Variants in TMOD2 observed in about 807,000 individuals in gnomAD.
TMOD2 encodes tropomodulin 2, also known as tropomodulin-2.
In TMOD2, 22 loss-of-function variants were observed where a neutral mutation model predicts 39.9. The observed-to-expected ratio is 0.55, with a 90% confidence interval of 0.39 to 0.79. The LOEUF (loss-of-function observed/expected upper bound fraction) is 0.79. Ranked by LOEUF, TMOD2 falls within the 30% of genes least tolerant of loss-of-function variation. The pLI, the probability that TMOD2 is intolerant of heterozygous loss-of-function variation, is 0.00. For missense variants in TMOD2, 386 were observed against 413.3 expected, an observed-to-expected ratio of 0.93 and a Z score of 0.57; for synonymous variants, 123 against 146.1, an observed-to-expected ratio of 0.84 and a Z score of 1.14.
At chr15:51,781,632 A>G (rs1183343267) in intron 6 of TMOD2, among the ~76,000 whole-genome samples, 1 of 152,214 alleles carries the variant, frequency 6.6e-6, no homozygotes, top group Admixed American at 6.5e-5. Flanking sequence ...TGTTGGCAGG[A>G]GGCCTCCATT....
intron 7 of TMOD2, among the ~76,000 whole-genome samples, chr15:51,787,529 T>A (rs1050271993): frequency 6.6e-6 from 1 of 152,254 alleles, no homozygotes; most frequent in Non-Finnish European, 1.5e-5. Flanking sequence ...CGAGCTCCGA[T>A]AACGGACAGA....
chr15:51,797,625 T>G (rs2056060046), intron 7 of TMOD2, among the ~76,000 whole-genome samples: 1 of 152,170 alleles, frequency 6.6e-6, no homozygotes, highest in Admixed American at 6.5e-5. Flanking sequence ...AGCCGGCAGG[T>G]GCCCGTGTGC....
chr15:51,779,194 A>G (rs1255071330), intron 5 of TMOD2, among the ~76,000 whole-genome samples: 1 of 152,238 alleles, frequency 6.6e-6, no homozygotes. Flanking sequence ...TGTTATGCAT[A>G]TGGATAAAAA....
At chr15:51,789,875 T>A (rs550053816) in intron 7 of TMOD2, among the ~76,000 whole-genome samples, 2 of 152,280 alleles carry the variant, frequency 1.3e-5, no homozygotes, top group African/African-American at 4.8e-5. Flanking sequence ...TAGAGGGAAA[T>A]TTATAGCACT....
At chr15:51,779,937 C>T (rs1233382061) in intron 5 of TMOD2, among the ~76,000 whole-genome samples, 2 of 152,194 alleles carry the variant, frequency 1.3e-5, no homozygotes, top group Non-Finnish European at 2.9e-5. Flanking sequence ...TTGCTTCAGT[C>T]CCCCAAAGTG....
chr15:51,776,330 A>G (rs980358035), intron 4 of TMOD2, among the ~76,000 whole-genome samples: 6 of 152,158 alleles, frequency 3.9e-5, no homozygotes, highest in South Asian at 2.1e-4. Flanking sequence ...CCCCGCATTC[A>G]TTCTTCCCCA....
At chr15:51,771,415 T>C (rs540886600) in intron 3 of TMOD2, among the ~76,000 whole-genome samples, 2 of 152,364 alleles carry the variant, frequency 1.3e-5, no homozygotes, top group South Asian at 4.1e-4. Context: ...TTAGAACTTG[T>C]TATTTGGTTG....
In TMOD2 at chr15:51,776,910, C is replaced by T; in HGVS notation, c.407-22C>T. The T allele has an allele frequency of 2.5e-6, 4 of 1,603,036 alleles. No homozygotes were observed. In the South Asian group the frequency reaches 3.3e-5, roughly 13 times the overall value. ...CTAATGTGCTTCTCCAAACTTAATG[C>T]TCATTTGTTGACTGTTTTTAGCTGT... On this transcript the variant is annotated intron_variant, in intron 4 of 9. Transcript: ENST00000249700.
At chr15:51,780,957 A>G in intron 5 of TMOD2, 87 bp from the exon 6 acceptor site, 1 of 1,090,518 alleles carries the variant, frequency 9.2e-7, no homozygotes, top group South Asian at 1.6e-5. Context: ...GAATCAGCAT[A>G]TGAAAGAAAT....
chr15:51,764,661 C>CT (rs2055804591), intron 1 of TMOD2, among the ~76,000 whole-genome samples: 2 of 152,170 alleles, frequency 1.3e-5, no homozygotes, highest in South Asian at 4.1e-4. Flanking sequence ...CCACCCTCGT[C>CT]TTTAGTTCTT....
intron 7 of TMOD2, among the ~76,000 whole-genome samples, chr15:51,787,470 C>T (rs925570577): frequency 3.3e-5 from 5 of 152,240 alleles, no homozygotes; most frequent in Admixed American, 2.6e-4. Context: ...ACTTAAATGT[C>T]CCTGCCTGAC....
chr15:51,780,942 T>C, intron 5 of TMOD2, 102 bp from the exon 6 acceptor site: 2 of 903,868 alleles, frequency 2.2e-6, no homozygotes, highest in Non-Finnish European at 3.4e-6. Flanking sequence ...ATTAAAGTGT[T>C]ATTGGAATCA....
chr15:51,770,501 T>G (rs1210680975), intron 3 of TMOD2, among the ~76,000 whole-genome samples: 1 of 152,138 alleles, frequency 6.6e-6, no homozygotes, highest in East Asian at 1.9e-4. Flanking sequence ...ATCTCAGAAA[T>G]CTGTACTGCA....
At chr15:51,802,206 C>T (rs2056095006) in intron 8 of TMOD2, among the ~76,000 whole-genome samples, 1 of 151,124 alleles carries the variant, frequency 6.6e-6, no homozygotes, top group Admixed American at 6.6e-5. Context: ...ATTAGCATCT[C>T]CTTCCTCCCC....
At position 51,811,499 on chromosome 15, in the gene TMOD2, C is replaced by T. The variant is rs1253267699; in HGVS notation, c.*3045C>T. ...CATCTATTATGGCACATGTAGATGA[C>T]ATTTAGGAGAAAAACCTTAGAAGTC... is the stretch of plus-strand genomic sequence containing the variant. On this transcript the variant is annotated 3_prime_UTR_variant, in exon 10 of 10. Coordinates refer to ENST00000249700, the MANE Select transcript of TMOD2 (RefSeq NM_014548.4). The T allele has an allele frequency of 6.6e-6, 1 of 152,198 alleles. No individual in the cohort carries two copies. The highest frequency in any genetic ancestry group is 1.5e-5 in the Non-Finnish European group (1 of 68,052). 9.4% of individuals were successfully genotyped at this position (152,198 alleles called of 1,614,324 possible).
At chr15:51,803,866 TATTC>T (rs1173328232) in intron 8 of TMOD2, among the ~76,000 whole-genome samples, 2 of 152,244 alleles carry the variant, frequency 1.3e-5, no homozygotes, top group Non-Finnish European at 2.9e-5. Context: ...TCATTGTTCT[TATTC>T]ATCATTTGAC....
intron 4 of TMOD2, among the ~76,000 whole-genome samples, chr15:51,775,574 T>TC (rs2055881737): frequency 7.9e-6 from 1 of 126,854 alleles, no homozygotes; most frequent in Admixed American, 7.9e-5. Flanking sequence ...TTTTTCCTTT[T>TC]TTTTTTTTTT....
chr15:51,777,125 C>A, intron 5 of TMOD2, 107 bp downstream of exon 5: 2 of 913,394 alleles, frequency 2.2e-6, no homozygotes, highest in Non-Finnish European at 3.5e-6. Context: ...TGTCATTTTG[C>A]TAGGATCACT....
At chr15:51,782,909 A>G (rs2055941199) in intron 7 of TMOD2, 81 bp downstream of exon 7, 2 of 1,347,990 alleles carry the variant, frequency 1.5e-6, no homozygotes, top group Non-Finnish European at 2.1e-6. Context: ...TTAGCTAACA[A>G]TTTTTTAGAT....
Sources: gnomAD v4.1 joint callset for allele counts (sites outside exome capture counted in the v4.1 genomes callset) on GRCh38, gnomAD v4.1.1 for gene constraint, MANE v1.5 for transcripts, NCBI Gene and HGNC (gene_info 2026-07-23, HGNC 2026-07-21) for gene names.